The following CDH12 variants were observed in gnomAD, a reference collection of about 807,000 sequenced individuals.
CDH12 encodes the protein cadherin-12.
In CDH12, 41 loss-of-function variants were observed where a neutral mutation model predicts 74.1. The observed-to-expected ratio is 0.55, with a 90% confidence interval of 0.43 to 0.72. The LOEUF is 0.72. Ranked by LOEUF, CDH12 falls within the 30% of genes least tolerant of loss-of-function variation. CDH12 has a pLI of 0.00. For missense variants in CDH12, 945 were observed against 977.2 expected (o/e 0.97, Z 0.44); for synonymous variants, 399 against 355.0 (o/e 1.12, Z -1.39).
At chr5:22,380,692 T>G (rs1162701613) in intron 3 of CDH12, among the ~76,000 whole-genome samples, 1 of 152,172 alleles carries the variant, frequency 6.6e-6, no homozygotes, top group African/African-American at 2.4e-5. Flanking sequence ...TGTAGCTGCA[T>G]CATGTTAAAT....
At chr5:22,604,246 G>T (rs958974725) in intron 1 of CDH12, among the ~76,000 whole-genome samples, 1 of 152,152 alleles carries the variant, frequency 6.6e-6, no homozygotes, top group Non-Finnish European at 1.5e-5. Flanking sequence ...CTGGGGGGTG[G>T]GGTATTGAGG....
At chr5:22,135,986 C>T (rs1361686466) in intron 4 of CDH12, among the ~76,000 whole-genome samples, 2 of 151,884 alleles carry the variant, frequency 1.3e-5, no homozygotes, top group Non-Finnish European at 2.9e-5. Context: ...TTCACAGTAC[C>T]TATTATGGTC....
At chr5:22,251,738 A>C (rs992759909) in intron 3 of CDH12, among the ~76,000 whole-genome samples, 2 of 152,160 alleles carry the variant, frequency 1.3e-5, no homozygotes, top group African/African-American at 4.8e-5. Flanking sequence ...AGAAAAAGAA[A>C]GTGTTGGCTA....
intron 3 of CDH12, among the ~76,000 whole-genome samples, chr5:22,337,883 C>T (rs1739662002): frequency 6.6e-6 from 1 of 152,160 alleles, no homozygotes; most frequent in Admixed American, 6.5e-5. Flanking sequence ...CATCTTATCC[C>T]ACTTAAAATG....
At chr5:21,835,708 A>G (rs899473881) in intron 8 of CDH12, among the ~76,000 whole-genome samples, 2 of 151,824 alleles carry the variant, frequency 1.3e-5, no homozygotes, top group Non-Finnish European at 2.9e-5. Context: ...AAATATTTAT[A>G]AGTTACATAT....
At chr5:22,308,132 G>A (rs548914426) in intron 3 of CDH12, among the ~76,000 whole-genome samples, 4 of 151,686 alleles carry the variant, frequency 2.6e-5, no homozygotes, top group African/African-American at 4.8e-5. Context: ...TGCCCACCTC[G>A]GCCTCCCAAA....
intron 3 of CDH12, among the ~76,000 whole-genome samples, chr5:22,263,412 T>C (rs1012313106): frequency 1.1e-4 from 16 of 152,142 alleles, no homozygotes; most frequent in Non-Finnish European, 2.2e-4. Flanking sequence ...GTTAATATCA[T>C]TCTGGAGAAT....
At position 22,067,046 on chromosome 5, in the gene CDH12, C is replaced by G. The variant is rs140780009; in HGVS notation, c.231+11400G>C. On this transcript the variant is annotated intron_variant, in intron 5 of 14. Coordinates refer to ENST00000382254, the MANE Select transcript of CDH12 (RefSeq NM_004061.5). ...GCAGTTTGCTTCTGGCTGGCAAGATCAGCAATACAACTTCATTGCTCTACC... is the reference window on the plus strand; with the variant it reads ...GCAGTTTGCTTCTGGCTGGCAAGATGAGCAATACAACTTCATTGCTCTACC... 3.1e-3 allele frequency among the ~76,000 whole-genome samples: 470 copies of G among 152,254 alleles called. 2 individuals are homozygous for G. The highest frequency in any genetic ancestry group is 5.0e-3 in the Non-Finnish European group (340 of 68,002).
At chr5:22,700,193 T>G (rs1487809537) in intron 1 of CDH12, among the ~76,000 whole-genome samples, 1 of 152,046 alleles carries the variant, frequency 6.6e-6, no homozygotes, top group Non-Finnish European at 1.5e-5. Flanking sequence ...ACCTGGATAG[T>G]GCTAATGACA....
chr5:22,496,183 C>A (rs1284960059), intron 2 of CDH12, among the ~76,000 whole-genome samples: 1 of 152,166 alleles, frequency 6.6e-6, no homozygotes, highest in African/African-American at 2.4e-5. Flanking sequence ...GTGCTTGGCA[C>A]TTCTACAGTT....
At chr5:21,902,444 A>G (rs550146371) in intron 6 of CDH12, among the ~76,000 whole-genome samples, 1 of 152,226 alleles carries the variant, frequency 6.6e-6, no homozygotes, top group East Asian at 1.9e-4. Flanking sequence ...TGAGAAATGC[A>G]GAATCTCAGG....
chr5:22,696,665 A>G (rs1228469439), intron 1 of CDH12, among the ~76,000 whole-genome samples: 1 of 152,208 alleles, frequency 6.6e-6, no homozygotes, highest in East Asian at 1.9e-4. Flanking sequence ...TTAATAAGAA[A>G]ATAAGCTTCC....
chr5:22,065,459 T>C (rs1453766627), intron 5 of CDH12, among the ~76,000 whole-genome samples: 1 of 152,172 alleles, frequency 6.6e-6, no homozygotes, highest in Admixed American at 6.5e-5. Flanking sequence ...GTTTTGTTTG[T>C]TTGGCTGAAA....
intron 6 of CDH12, among the ~76,000 whole-genome samples, chr5:21,900,361 G>T (rs6452026): frequency 1 from 151,688 of 152,340 alleles, 75,527 homozygotes; most frequent in Middle Eastern, 1. Context: ...ACGATAACCA[G>T]TTATTAGTGA....
At chr5:22,311,758 G>A (rs115817288) in intron 3 of CDH12, among the ~76,000 whole-genome samples, 3,725 of 151,480 alleles carry the variant, frequency 0.025, 68 homozygotes, top group African/African-American at 0.05. Context: ...GTTGTGGTGT[G>A]GTGGTCTAGG....
In CDH12 at chr5:22,280,428, C is replaced by A. The variant is rs185333312; in HGVS notation, c.-332-67785G>T. Among the ~76,000 whole-genome samples the A allele has an allele frequency of 6.8e-4, 104 of 152,154 alleles. 1 individual carries two copies. The East Asian group carries it at 0.018, about 27-fold the overall frequency. Reference sequence around the variant, plus strand: ...AAAACCCTTCAAAAAATCAATGAATCCAGGAGCTGGTTTTTTGAAAAGATC... The same window carrying A: ...AAAACCCTTCAAAAAATCAATGAATACAGGAGCTGGTTTTTTGAAAAGATC... On this transcript the variant is annotated intron_variant, in intron 3 of 14. Coordinates refer to ENST00000382254, the MANE Select transcript of CDH12 (RefSeq NM_004061.5).
intron 1 of CDH12, among the ~76,000 whole-genome samples, chr5:22,725,172 G>C (rs1250537395): frequency 1.3e-5 from 2 of 151,828 alleles, no homozygotes; most frequent in Non-Finnish European, 2.9e-5. Context: ...AATTCTCTCT[G>C]TGCTTCAGTT....
At chr5:22,716,844 A>G (rs1274837875) in intron 1 of CDH12, among the ~76,000 whole-genome samples, 1 of 152,080 alleles carries the variant, frequency 6.6e-6, no homozygotes, top group African/African-American at 2.4e-5. Flanking sequence ...TAAACATCAA[A>G]TAAATTTGAA....
chr5:22,580,652 A>G, intron 1 of CDH12: 1 of 445,522 alleles, frequency 2.2e-6, no homozygotes, highest in Non-Finnish European at 4.5e-6. Flanking sequence ...AAATAGGCAC[A>G]GCCTGAACAA....
Sources: gnomAD v4.1 joint callset for allele counts (sites outside exome capture counted in the v4.1 genomes callset) on GRCh38, gnomAD v4.1.1 for gene constraint, MANE v1.5 for transcripts, NCBI Gene and HGNC (gene_info 2026-07-23, HGNC 2026-07-21) for gene names.